Variants in TLL2 observed in about 807,000 individuals in gnomAD.
TLL2 encodes tolloid-like protein 2.
In TLL2, 106 loss-of-function variants were observed where a neutral mutation model predicts 123.0. The ratio of observed to expected loss-of-function variants is 0.86; its 90% confidence interval spans 0.74 to 1.01. The LOEUF is 1.01. TLL2 is among the 50% of genes least tolerant of loss of function. The probability of loss-of-function intolerance (pLI) is 0.00; values close to 1 mark genes in which losing one functional copy is unlikely to be tolerated. For missense variants in TLL2, 1,332 were observed against 1,336.7 expected (o/e 1.00, Z 0.06); for synonymous variants, 494 against 516.8 (o/e 0.96, Z 0.60).
Position 96,386,114 on chromosome 10 carries a change from C to T in TLL2, c.1954G>A (p.Ala652Thr). Reference sequence around the variant, plus strand: ...AGGGAGATCCGGTACTGAGCGGGGGCCACCACCTGCCAGACACAGTTTTTG... The same window carrying T: ...AGGGAGATCCGGTACTGAGCGGGGGTCACCACCTGCCAGACACAGTTTTTG... The part of the protein sequence containing the change: ...TNKNCVWQVV[A>T]PAQYRISLQF... The change falls in exon 15 of 21, where the codon GCC becomes ACC. Residue 652 changes from alanine (A) to threonine (T), a missense_variant. Transcript: ENST00000357947. The T allele has an allele frequency of 2.5e-6, 4 of 1,612,868 alleles. No individual in the cohort carries two copies. Among genetic ancestry groups the T allele is most frequent in the Non-Finnish European group, 3.4e-6 (4 of 1,179,400 alleles).
chr10:96,393,127 C>A (rs1246194969), intron 13 of TLL2, among the ~76,000 whole-genome samples: 1 of 152,168 alleles, frequency 6.6e-6, no homozygotes, highest in East Asian at 1.9e-4. Flanking sequence ...CCCTTAGAAC[C>A]TCAAGAAGGA....
At chr10:96,372,997 A>AT in intron 19 of TLL2, 1 of 151,802 alleles carries the variant, frequency 6.6e-6, no homozygotes. Flanking sequence ...GCCAAAATAT[A>AT]TTTTTAAAAG....
chr10:96,427,686 G>C (rs1253807304), intron 5 of TLL2, among the ~76,000 whole-genome samples: 1 of 152,168 alleles, frequency 6.6e-6, no homozygotes, highest in Non-Finnish European at 1.5e-5. Context: ...GCATTTACCT[G>C]TATGGCTTCT....
At chr10:96,423,904 G>C (rs1412295206) in intron 5 of TLL2, among the ~76,000 whole-genome samples, 1 of 152,152 alleles carries the variant, frequency 6.6e-6, no homozygotes. Flanking sequence ...TCCATCAGCA[G>C]TTGAATGGAT....
intron 1 of TLL2, among the ~76,000 whole-genome samples, chr10:96,498,804 A>G (rs995918052): frequency 6.6e-6 from 1 of 152,174 alleles, no homozygotes; most frequent in South Asian, 2.1e-4. Context: ...GACCATGAGG[A>G]CAAGGACCTC....
In TLL2 at chr10:96,401,754, T is replaced by G. The variant is rs556118800; in HGVS notation, c.1267+3478A>C. On this transcript the variant is annotated intron_variant, in intron 10 of 20. Coordinates refer to ENST00000357947, the MANE Select transcript of TLL2 (RefSeq NM_012465.4). Reference sequence around the variant, plus strand: ...CTGCCTGTGCCCATTCTCAGGAACGTGCCTTGGCCCTCTCTGGGGAACTTC... The same window carrying G: ...CTGCCTGTGCCCATTCTCAGGAACGGGCCTTGGCCCTCTCTGGGGAACTTC... Among the ~76,000 whole-genome samples the G allele has an allele frequency of 2.6e-5, 4 of 152,350 alleles. No homozygotes were observed. The South Asian group carries it at 6.2e-4, about 24-fold the overall frequency.
Position 96,513,884 on chromosome 10 carries a change from G to A in TLL2, c.-199C>T. 1 of 568,134 alleles carries A rather than the reference G, an allele frequency of 1.8e-6. No individual in the cohort carries two copies. The highest frequency in any genetic ancestry group is 3.0e-5 in the South Asian group (1 of 33,234). The allele number at this position is 568,134 out of a possible 1,614,324, so 35.2% of individuals were successfully genotyped here. ...GAGGCAACCGGGAAGCAGCCGCTCG[G>A]AGCTACTTGCCCGGCGGCCGAGGCT... On this transcript the variant is annotated 5_prime_UTR_variant, in exon 1 of 21. Transcript: ENST00000357947.
chr10:96,410,261 C>T (rs984436753), intron 9 of TLL2, 98 bp downstream of exon 9: 25 of 858,366 alleles, frequency 2.9e-5, no homozygotes, highest in Non-Finnish European at 4.2e-5. Flanking sequence ...TGCTTATAAC[C>T]GAACAGCTGT....
intron 17 of TLL2, among the ~76,000 whole-genome samples, chr10:96,377,356 C>T (rs1846147323): frequency 6.6e-6 from 1 of 152,166 alleles, no homozygotes; most frequent in Non-Finnish European, 1.5e-5. Flanking sequence ...TTCAAAGTGG[C>T]TTTATTTGGA....
intron 10 of TLL2, among the ~76,000 whole-genome samples, chr10:96,404,798 C>T (rs1846434086): frequency 6.6e-6 from 1 of 152,086 alleles, no homozygotes; most frequent in South Asian, 2.1e-4. Flanking sequence ...TTGTCACATA[C>T]TTTTTTGTGT....
intron 2 of TLL2, among the ~76,000 whole-genome samples, chr10:96,449,901 C>T (rs148274906): frequency 7.2e-5 from 11 of 152,336 alleles, no homozygotes; most frequent in African/African-American, 2.4e-4. Flanking sequence ...ATCCGCCCCC[C>T]TGCTCCTCTT....
intron 2 of TLL2, among the ~76,000 whole-genome samples, chr10:96,462,459 T>C (rs557151996): frequency 1.3e-5 from 2 of 152,346 alleles, no homozygotes; most frequent in East Asian, 3.9e-4. Context: ...TGATTTCTTA[T>C]AGTTCTGGAG....
chr10:96,402,089 G>C (rs1006941172), intron 10 of TLL2, among the ~76,000 whole-genome samples: 1 of 152,170 alleles, frequency 6.6e-6, no homozygotes, highest in Non-Finnish European at 1.5e-5. Context: ...GTCTCTGCCA[G>C]GTTGCAGGGT....
rs151328463 is a variant in TLL2 at position 96,513,057 on chromosome 10, A to T, written c.175+454T>A. Among the ~76,000 whole-genome samples the T allele has an allele frequency of 7.5e-3, 1,139 of 152,256 alleles. 16 individuals are homozygous for T. Among genetic ancestry groups the T allele is most frequent in the African/African-American group, 0.025 (1,035 of 41,538 alleles). On this transcript the variant is annotated intron_variant, in intron 1 of 20. Transcript: ENST00000357947. ...TTTTTAAAATCTCCCAAGAGTAACC[A>T]CAGATCTTGGGAAACTTTGCGCGAA...
Position 96,386,235 on chromosome 10 carries a change from A to G in TLL2, c.1853-20T>C. On this transcript the variant is annotated intron_variant, in intron 14 of 20. Coordinates refer to ENST00000357947, the MANE Select transcript of TLL2 (RefSeq NM_012465.4). Reference sequence around the variant, plus strand: ...AGGCCACTGCACGGGGGAAACAGAAACAGGATTCATTTGGCTTTGGCTCCA... The same window carrying G: ...AGGCCACTGCACGGGGGAAACAGAAGCAGGATTCATTTGGCTTTGGCTCCA... The G allele has an allele frequency of 2.6e-6, 4 of 1,543,534 alleles. No individual in the cohort carries two copies. Among genetic ancestry groups the G allele is most frequent in the Non-Finnish European group, 3.5e-6 (4 of 1,142,948 alleles).
At position 96,387,046 on chromosome 10, in the gene TLL2, C is replaced by T. The variant is rs200588066; in HGVS notation, c.1759G>A (p.Gly587Arg). The change falls in exon 14 of 21, where the codon GGG becomes AGG. Residue 587 changes from glycine to arginine, a missense_variant. Coordinates refer to ENST00000357947, the MANE Select transcript of TLL2 (RefSeq NM_012465.4). ...VDECSWPDHG[G>R]CEHRCVNTLG... Reference sequence around the variant, plus strand: ...GTGTTCACACAGCGATGCTCGCACCCGCCGTGATCTGGCCAGGAACACTCA... The same window carrying T: ...GTGTTCACACAGCGATGCTCGCACCTGCCGTGATCTGGCCAGGAACACTCA... 52 of 1,614,024 alleles carry T rather than the reference C, an allele frequency of 3.2e-5. No homozygotes were observed. The highest frequency in any genetic ancestry group is 1.6e-4 in the Middle Eastern group (1 of 6,084).
intron 10 of TLL2, among the ~76,000 whole-genome samples, chr10:96,401,667 C>T (rs1846397964): frequency 6.6e-6 from 1 of 151,872 alleles, no homozygotes; most frequent in African/African-American, 2.4e-5. Flanking sequence ...CCACAAATAC[C>T]AGGATCTATA....
Position 96,364,982 on chromosome 10 carries a change from T to C in TLL2, c.*3106A>G, listed in dbSNP as rs1388929905. The C allele has an allele frequency of 6.6e-6, 1 of 152,238 alleles. No homozygotes were observed. The highest frequency in any genetic ancestry group is 1.5e-5 in the Non-Finnish European group (1 of 68,046). 9.4% of individuals were successfully genotyped at this position (152,238 alleles called of 1,614,324 possible). On this transcript the variant is annotated 3_prime_UTR_variant, in exon 21 of 21. Transcript: ENST00000357947. ...GATTTTACAAATTATTTAAATCAGC[T>C]GAGCAATTCATGAGTGATATGAAAC...
At chr10:96,405,896 G>T (rs1274979675) in intron 9 of TLL2, among the ~76,000 whole-genome samples, 1 of 152,174 alleles carries the variant, frequency 6.6e-6, no homozygotes, top group Non-Finnish European at 1.5e-5. Flanking sequence ...GTCAGCCTGT[G>T]CTGGCCAATT....
Sources: gnomAD v4.1 joint callset for allele counts (sites outside exome capture counted in the v4.1 genomes callset) on GRCh38, gnomAD v4.1.1 for gene constraint, MANE v1.5 for transcripts, NCBI Gene and HGNC (gene_info 2026-07-23, HGNC 2026-07-21) for gene names.